TAB1: variants seen among roughly 807,000 people sequenced by gnomAD.
The protein encoded by TAB1 is TGF-beta-activated kinase 1 and MAP3K7-binding protein 1.
In TAB1, 30 loss-of-function variants were observed where a neutral mutation model predicts 54.5. The ratio of observed to expected loss-of-function variants is 0.55; its 90% CI spans 0.41 to 0.75. The LOEUF (loss-of-function observed/expected upper bound fraction) is 0.75. Among genes scored for constraint, TAB1 ranks in the 30% least tolerant of loss-of-function variants. TAB1 has a pLI of 0.00. For missense variants in TAB1, 609 were observed against 683.2 expected (o/e 0.89, Z 1.21); for synonymous variants, 289 against 286.9 (o/e 1.01, Z -0.07).
In TAB1 at chr22:39,426,945, A is replaced by G; in HGVS notation, c.1144+20A>G. 1 of 1,601,718 alleles carries G rather than the reference A, an allele frequency of 6.2e-7. No individual in the cohort carries two copies. On this transcript the variant is annotated intron_variant, in intron 9 of 10. Transcript: ENST00000216160. Reference sequence around the variant, plus strand: ...CCCCAGGTACGTGTGCTGTGCAGACAGGCAGTGCCTGGGGATGCCATCTGG... The same window carrying G: ...CCCCAGGTACGTGTGCTGTGCAGACGGGCAGTGCCTGGGGATGCCATCTGG...
At chr22:39,436,301 GA>G (rs370640084), downstream of TAB1, among the ~76,000 whole-genome samples, 4,235 of 141,838 alleles carry the variant, frequency 0.03, 103 homozygotes, top group South Asian at 0.11. Context: ...TCAAAAAAAA[GA>G]AAAAAAAAAA....
intron 1 of TAB1, among the ~76,000 whole-genome samples, chr22:39,407,647 G>C (rs181223568): frequency 6.6e-6 from 1 of 152,028 alleles, no homozygotes; most frequent in Non-Finnish European, 1.5e-5. Flanking sequence ...CACCACGCCC[G>C]GCTAATTTTT....
At chr22:39,406,259 C>T (rs1176005029) in intron 1 of TAB1, among the ~76,000 whole-genome samples, 1 of 152,072 alleles carries the variant, frequency 6.6e-6, no homozygotes, top group Non-Finnish European at 1.5e-5. Context: ...ATTAGCCGGG[C>T]ATGGTGGCAC....
chr22:39,412,245 G>T (rs1341455882), intron 1 of TAB1, among the ~76,000 whole-genome samples: 3 of 152,124 alleles, frequency 2.0e-5, no homozygotes, highest in Non-Finnish European at 4.4e-5. Flanking sequence ...TCGCCACATT[G>T]GCCAGGCTGG....
chr22:39,403,305 T>C (rs1926224745), intron 1 of TAB1, among the ~76,000 whole-genome samples: 1 of 152,220 alleles, frequency 6.6e-6, no homozygotes, highest in Non-Finnish European at 1.5e-5. Context: ...ACACACAGAA[T>C]GTTGGGGGTG....
downstream of TAB1, among the ~76,000 whole-genome samples, chr22:39,432,165 G>T (rs1927611231): frequency 6.6e-6 from 1 of 152,344 alleles, no homozygotes; most frequent in East Asian, 1.9e-4. Context: ...AAGCCCTCTG[G>T]CCCATGGCCA....
At chr22:39,424,422 C>T (rs956525714) in intron 8 of TAB1, among the ~76,000 whole-genome samples, 1 of 151,036 alleles carries the variant, frequency 6.6e-6, no homozygotes, top group Non-Finnish European at 1.5e-5. Flanking sequence ...ATCCCCTGTT[C>T]CCTGTGTTCT....
chr22:39,419,247 CA>C (rs1255687718), intron 6 of TAB1, among the ~76,000 whole-genome samples: 2 of 152,164 alleles, frequency 1.3e-5, no homozygotes, highest in East Asian at 1.9e-4. Flanking sequence ...AGATGTGGGG[CA>C]CACGGGATGG....
At chr22:39,406,575 G>A (rs1427294114) in intron 1 of TAB1, among the ~76,000 whole-genome samples, 1 of 151,866 alleles carries the variant, frequency 6.6e-6, no homozygotes, top group Non-Finnish European at 1.5e-5. Flanking sequence ...CTTACCATGG[G>A]TACTTTTACA....
At chr22:39,429,764 G>A (rs1444704431) in intron 10 of TAB1, 6 of 958,810 alleles carry the variant, frequency 6.3e-6, no homozygotes, top group Non-Finnish European at 6.2e-6. Context: ...TTACAGGCAT[G>A]AGCCACCGCG....
At chr22:39,417,350 G>A (rs903325936) in intron 4 of TAB1, among the ~76,000 whole-genome samples, 4 of 152,244 alleles carry the variant, frequency 2.6e-5, no homozygotes, top group African/African-American at 9.6e-5. Context: ...GCCGGGCATG[G>A]TGGCTCACGC....
At chr22:39,434,860 C>T (rs563817478), downstream of TAB1, among the ~76,000 whole-genome samples, 34 of 152,340 alleles carry the variant, frequency 2.2e-4, no homozygotes, top group Admixed American at 1.4e-3. Context: ...CTCCTGCACT[C>T]GGCATTTCAG....
chr22:39,417,901 A>G, intron 5 of TAB1, 52 bp downstream of exon 5: 2 of 1,550,688 alleles, frequency 1.3e-6, no homozygotes, highest in Non-Finnish European at 1.7e-6. Context: ...GGTCAGCCAC[A>G]GGGGTCGGTG....
At chr22:39,402,131 G>A (rs1297332030) in intron 1 of TAB1, among the ~76,000 whole-genome samples, 1 of 152,042 alleles carries the variant, frequency 6.6e-6, no homozygotes, top group Non-Finnish European at 1.5e-5. Context: ...GAGGAGAGGA[G>A]GGCCATTCCA....
Position 39,415,552 on chromosome 22 carries a change from C to G in TAB1, c.223C>G (p.Arg75Gly). 6.2e-7 allele frequency: 1 copy of G among 1,614,222 alleles called. No homozygotes were observed. Among genetic ancestry groups the G allele is most frequent in the Non-Finnish European group, 8.5e-7 (1 of 1,180,044 alleles). The change falls in exon 3 of 11, where the codon CGA becomes GGA. Residue 75 changes from arginine to glycine, a missense_variant. Transcript: ENST00000216160. This position sits in a 1 kb window ranked among gnomAD's most constrained non-coding sequence, Gnocchi z 4.9. ...GGTCTTCAACGGCTATGATGGCAACCGAGTGACCAACTTCGTGGCCCAGCG... is the reference window on the plus strand; with the variant it reads ...GGTCTTCAACGGCTATGATGGCAACGGAGTGACCAACTTCGTGGCCCAGCG... Reference protein sequence around the residue: ...YGVFNGYDGNRVTNFVAQRLS... With the variant: ...YGVFNGYDGNGVTNFVAQRLS...
At position 39,399,809 on chromosome 22, in the gene TAB1, G is replaced by A; in HGVS notation, c.7G>A (p.Ala3Thr). The change falls in exon 1 of 11, where the codon GCG (alanine) becomes ACG (threonine). Residue 3 changes from alanine (A) to threonine (T), a missense_variant. Coordinates refer to ENST00000216160, the MANE Select transcript of TAB1 (RefSeq NM_006116.3). MA[A>T]QRRSLLQSEQ... ...CCGCAGGGGTTCCTCCAAGATGGCG[G>A]CGCAGAGGAGGAGCTTGCTGCAGAG... The A allele has an allele frequency of 1.9e-6, 3 of 1,596,478 alleles. No homozygotes were observed. Among genetic ancestry groups the A allele is most frequent in the Non-Finnish European group, 2.6e-6 (3 of 1,172,058 alleles).
Position 39,427,047 on chromosome 22 carries a change from C to G in TAB1, c.1144+122C>G, listed in dbSNP as rs940143123. 5 of 935,864 alleles carry G rather than the reference C, an allele frequency of 5.3e-6. No homozygotes were observed. In the African/African-American group the frequency reaches 6.6e-5, roughly 12 times the overall value. 58.0% of individuals were successfully genotyped at this position (935,864 alleles called of 1,614,324 possible). A position where few individuals can be genotyped will look rare whatever the true frequency, so the allele number is the denominator to read the frequency against. On this transcript the variant is annotated intron_variant, in intron 9 of 10. Coordinates refer to ENST00000216160, the MANE Select transcript of TAB1 (RefSeq NM_006116.3). ...TCAGGAGGCCTGGCTCTGAGTGGCT[C>G]TAATTCAGGTTCTCTGATTTTTAGC...
intron 7 of TAB1, among the ~76,000 whole-genome samples, chr22:39,420,541 C>T (rs1402561234): frequency 2.6e-5 from 4 of 152,314 alleles, no homozygotes; most frequent in South Asian, 2.1e-4. Flanking sequence ...CTTGCCCTCA[C>T]GCGATCTAGG....
intron 1 of TAB1, among the ~76,000 whole-genome samples, 197 bp downstream of exon 1, chr22:39,400,032 C>G (rs1310669092): frequency 6.6e-6 from 1 of 152,148 alleles, no homozygotes; most frequent in Non-Finnish European, 1.5e-5. Flanking sequence ...GCCCGGCCCC[C>G]GGGTCAAGGG....
Sources: allele counts gnomAD v4.1 joint callset (sites outside exome capture counted in the v4.1 genomes callset), GRCh38; gene constraint gnomAD v4.1.1; non-coding constraint Gnocchi (gnomAD v3.1); transcripts MANE v1.5; gene names NCBI Gene and HGNC (gene_info 2026-07-23, HGNC 2026-07-21).